The following TBCK variants were observed in gnomAD, a reference collection of about 807,000 sequenced individuals.
The protein encoded by TBCK is TBC1 domain containing kinase.
A neutral mutation model predicts 113.4 loss-of-function variants in TBCK; 99 were observed. The observed-to-expected ratio is 0.87, with a 90% CI of 0.74 to 1.03. The LOEUF (loss-of-function observed/expected upper bound fraction) is 1.03. TBCK is among the 50% of genes least tolerant of loss of function. The pLI is 0.00. For missense variants in TBCK, 1,045 were observed against 1,061.3 expected (o/e 0.98, Z 0.21); for synonymous variants, 369 against 370.8 (o/e 1.00, Z 0.05).
rs919308873 is a variant in TBCK, at chr4:106,181,418, G to A, written c.2060-10148C>T. On this transcript the variant is annotated intron_variant, in intron 22 of 25. Transcript: ENST00000394708. ...TTGGCTTTTGTTGCCATTGCTTTTG[G>A]TGTTTTAGACATGAAGTCTTTGCCC... 1.1e-4 allele frequency among the ~76,000 whole-genome samples: 16 copies of A among 152,094 alleles called. 1 individual carries two copies. The highest frequency in any genetic ancestry group is 5.9e-4 in the Admixed American group (9 of 15,262).
At position 106,233,605 on chromosome 4, in the gene TBCK, T is replaced by C. The variant is rs753820424; in HGVS notation, c.1495A>G (p.Ile499Val). 20 of 1,611,324 alleles carry C rather than the reference T, an allele frequency of 1.2e-5. No homozygotes were observed. Among genetic ancestry groups the C allele is most frequent in the Non-Finnish European group, 1.7e-5 (20 of 1,178,464 alleles). ...AATCATACTTGTCTATCTGTAGGAA[T>C]TGGAGTGTCTTTATCAATTGCATCG... ...KYDAIDKDTPIPTDRQIEVDI... is the reference protein window; with the variant it reads ...KYDAIDKDTPVPTDRQIEVDI... Residue 499 changes from isoleucine (I) to valine (V), a missense_variant, in exon 16 of 26, where the codon ATT (isoleucine) becomes GTT (valine). Transcript: ENST00000394708.
At chr4:106,302,575 C>T (rs1767062414) in intron 2 of TBCK, among the ~76,000 whole-genome samples, 2 of 152,042 alleles carry the variant, frequency 1.3e-5, no homozygotes, top group Admixed American at 1.3e-4. Context: ...AAGTGAAGCT[C>T]CAAAGAGGCT....
intron 22 of TBCK, chr4:106,182,292 T>C (rs1232665190): frequency 6.6e-6 from 1 of 152,172 alleles, no homozygotes; most frequent in African/African-American, 2.4e-5. Context: ...GTTTTCTAAA[T>C]ATACAATCAT....
chr4:106,222,002 AATAAGG>A (rs1188430580), intron 19 of TBCK, among the ~76,000 whole-genome samples: 1 of 152,132 alleles, frequency 6.6e-6, no homozygotes, highest in Admixed American at 6.5e-5. Flanking sequence ...TATACTATAT[AATAAGG>A]ATATGAATCT....
chr4:106,314,939 C>T (rs1768618473), intron 1 of TBCK, among the ~76,000 whole-genome samples: 1 of 152,202 alleles, frequency 6.6e-6, no homozygotes, highest in East Asian at 1.9e-4. Context: ...TATTTTCAAT[C>T]AGATGTCTTT....
chr4:106,147,539 T>G (rs1188994125), intron 23 of TBCK, among the ~76,000 whole-genome samples: 1 of 152,196 alleles, frequency 6.6e-6, no homozygotes, highest in Non-Finnish European at 1.5e-5. Context: ...TCAAAATTTC[T>G]TATGCCTGTC....
chr4:106,201,801 C>T (rs1039743978), intron 20 of TBCK, among the ~76,000 whole-genome samples: 18 of 151,944 alleles, frequency 1.2e-4, no homozygotes, highest in Middle Eastern at 3.2e-3. Flanking sequence ...AATCCACATC[C>T]TTTATAAGCA....
intron 20 of TBCK, among the ~76,000 whole-genome samples, chr4:106,201,076 A>G (rs925520682): frequency 6.6e-6 from 1 of 151,988 alleles, no homozygotes; most frequent in Non-Finnish European, 1.5e-5. Flanking sequence ...AGCAAAACAA[A>G]GCTTATTCTA....
In TBCK at chr4:106,295,137, C is replaced by T. The variant is rs1300914475; in HGVS notation, c.223G>A (p.Glu75Lys). 1.2e-6 allele frequency: 2 copies of T among 1,613,490 alleles called. No individual in the cohort carries two copies. Among genetic ancestry groups the T allele is most frequent in the East Asian group, 4.5e-5 (2 of 44,854 alleles). The change falls in exon 3 of 26, where the codon GAA (glutamate) becomes AAA (lysine). Residue 75 changes from glutamate (E) to lysine (K), a missense_variant. Coordinates refer to ENST00000394708, the MANE Select transcript of TBCK (RefSeq NM_001163435.3). ...ERLVVVAEHC[E>K]RSLEDLLRER... ...CGAAGCAAGTCTTCCAGACTACGTT[C>T]ACAATGTTCAGCCACGACCACTAGT... is the stretch of plus-strand genomic sequence containing the variant.
chr4:106,188,586 A>G (rs1378591387), intron 22 of TBCK, among the ~76,000 whole-genome samples: 1 of 152,174 alleles, frequency 6.6e-6, no homozygotes, highest in Non-Finnish European at 1.5e-5. Context: ...TATCAACCAT[A>G]AAACAAGCAG....
At chr4:106,145,244 G>C (rs1365980054) in intron 23 of TBCK, among the ~76,000 whole-genome samples, 1 of 151,624 alleles carries the variant, frequency 6.6e-6, no homozygotes, top group Non-Finnish European at 1.5e-5. Context: ...CTTGAACCCA[G>C]GAGGTGGAGG....
intron 12 of TBCK, chr4:106,237,457 C>T (rs546079515): frequency 4.4e-6 from 2 of 455,036 alleles, no homozygotes; most frequent in East Asian, 1.4e-4. Flanking sequence ...TAACCACATC[C>T]TAAGCAAGGT....
chr4:106,195,894 T>C (rs552448355), intron 20 of TBCK, among the ~76,000 whole-genome samples: 1 of 152,064 alleles, frequency 6.6e-6, no homozygotes, highest in African/African-American at 2.4e-5. Context: ...CCTCTATCTA[T>C]GTTTATATAT....
At chr4:106,203,513 G>A (rs1292557432) in intron 20 of TBCK, among the ~76,000 whole-genome samples, 5 of 151,466 alleles carry the variant, frequency 3.3e-5, no homozygotes, top group Non-Finnish European at 7.4e-5. Flanking sequence ...GATTATATTA[G>A]TTATATCTTT....
chr4:106,193,917 G>A (rs1280845633), intron 21 of TBCK, 147 bp from the exon 22 acceptor site: 8 of 550,240 alleles, frequency 1.5e-5, no homozygotes, highest in Non-Finnish European at 2.1e-5. Context: ...TTTATGAAAT[G>A]TTTATTTGGC....
At chr4:106,215,010 G>A (rs527565881) in intron 19 of TBCK, among the ~76,000 whole-genome samples, 5,916 of 149,892 alleles carry the variant, frequency 0.039, 361 homozygotes, top group African/African-American at 0.14. Flanking sequence ...GACTAACAGC[G>A]GATCTCTCGG....
At chr4:106,083,584 A>T (rs1000968261) in intron 25 of TBCK, among the ~76,000 whole-genome samples, 17 of 152,320 alleles carry the variant, frequency 1.1e-4, no homozygotes, top group African/African-American at 3.8e-4. Flanking sequence ...AGAACAAGGA[A>T]TAAAGTACTT....
intron 3 of TBCK, among the ~76,000 whole-genome samples, chr4:106,271,555 C>A (rs1763482063): frequency 6.6e-6 from 1 of 151,796 alleles, no homozygotes; most frequent in Admixed American, 6.6e-5. Context: ...AGTTCCAGAC[C>A]AGACTAACCA....
chr4:106,148,144 A>G (rs961686653), intron 23 of TBCK, among the ~76,000 whole-genome samples: 4 of 152,214 alleles, frequency 2.6e-5, no homozygotes, highest in African/African-American at 9.6e-5. Context: ...ATCAATGACA[A>G]TGGTGCCCGA....
Sources: gnomAD v4.1 joint callset for allele counts (sites outside exome capture counted in the v4.1 genomes callset) on GRCh38, gnomAD v4.1.1 for gene constraint, MANE v1.5 for transcripts, NCBI Gene and HGNC (gene_info 2026-07-23, HGNC 2026-07-21) for gene names.